TBC1D9: variants seen among roughly 807,000 people sequenced by gnomAD.
TBC1D9 encodes the protein TBC1 domain family member 9, also known as TBC1 domain family member 9A.
TBC1D9 carries 63 observed loss-of-function variants against 132.0 expected under a neutral mutation model. The observed-to-expected ratio is 0.48, with a 90% confidence interval of 0.39 to 0.59. The LOEUF (loss-of-function observed/expected upper bound fraction) is 0.59. Among genes scored for constraint, TBC1D9 ranks in the 20% least tolerant of loss-of-function variants. The probability of loss-of-function intolerance (pLI) is 0.00; values close to 1 mark genes in which losing one functional copy is unlikely to be tolerated. For synonymous variants in TBC1D9, 610 were observed against 609.9 expected (o/e 1.00, Z 0.00); for missense variants, 1,261 against 1,592.7 (o/e 0.79, Z 3.54).
At position 140,708,550 on chromosome 4, in the gene TBC1D9, A is replaced by T. The variant is rs371202140; in HGVS notation, c.131-6936T>A. The stretch of plus-strand genomic sequence containing the variant: ...CCTTGTGCCCAACACACAGACTGGT[A>T]AATACGGTTTGCACACCATACTGGC... On this transcript the variant is annotated intron_variant, in intron 1 of 20. Transcript: ENST00000442267. 7.2e-5 allele frequency among the ~76,000 whole-genome samples: 11 copies of T among 152,198 alleles called. 1 individual carries two copies. The highest frequency in any genetic ancestry group is 5.8e-4 in the East Asian group (3 of 5,202).
chr4:140,649,011 G>A (rs564312138), intron 13 of TBC1D9, among the ~76,000 whole-genome samples: 1 of 152,328 alleles, frequency 6.6e-6, no homozygotes, highest in African/African-American at 2.4e-5. Flanking sequence ...CTTACCCTGT[G>A]TTACCGGGAA....
At chr4:140,699,468 A>G (rs1391489674) in intron 2 of TBC1D9, among the ~76,000 whole-genome samples, 1 of 152,238 alleles carries the variant, frequency 6.6e-6, no homozygotes, top group Non-Finnish European at 1.5e-5. Context: ...GATAAAATGT[A>G]CACTTGGCAT....
chr4:140,660,152 G>T (rs553548986), intron 10 of TBC1D9, among the ~76,000 whole-genome samples: 3 of 152,288 alleles, frequency 2.0e-5, no homozygotes, highest in African/African-American at 7.2e-5. Context: ...ATGGCTCCAG[G>T]CTCTCCTGAG....
intron 10 of TBC1D9, among the ~76,000 whole-genome samples, chr4:140,660,901 T>C (rs1238740357): frequency 2.0e-5 from 3 of 147,468 alleles, no homozygotes; most frequent in Non-Finnish European, 4.5e-5. Flanking sequence ...TACAATGATA[T>C]AGCCTTTGAT....
chr4:140,657,481 G>A lies in TBC1D9; in HGVS notation c.2207+46C>T, dbSNP rs1737291291. On this transcript the variant is annotated intron_variant, in intron 12 of 20. Coordinates refer to ENST00000442267, the MANE Select transcript of TBC1D9 (RefSeq NM_015130.3). ...CTCATGAAATGAAGAGAAAGCATGA[G>A]GAAGAAAACCGGAGATGGTTTTCAA... 5 of 1,557,526 alleles carry A rather than the reference G, an allele frequency of 3.2e-6. No individual in the cohort carries two copies. The East Asian group carries it at 6.7e-5, about 21-fold the overall frequency.
intron 1 of TBC1D9, among the ~76,000 whole-genome samples, chr4:140,721,158 G>A (rs971598682): frequency 2.0e-5 from 3 of 152,122 alleles, no homozygotes; most frequent in Admixed American, 2.0e-4. Flanking sequence ...GTCTCCATTT[G>A]CACTATAAAT....
Position 140,622,573 on chromosome 4 carries a change from C to T in TBC1D9, c.3423G>A (p.Arg1141=), listed in dbSNP as rs375597697. 1.2e-6 allele frequency: 2 copies of T among 1,614,016 alleles called. No individual in the cohort carries two copies. The highest frequency in any genetic ancestry group is 1.7e-6 in the Non-Finnish European group (2 of 1,179,888). The change falls in exon 21 of 21, where the codon CGG becomes CGA. Residue 1141 remains arginine, a synonymous_variant. Coordinates refer to ENST00000442267, the MANE Select transcript of TBC1D9 (RefSeq NM_015130.3). ...GCATGGAGGAGCAGGCCCCGTTGTC[C>T]CGGGGCGAGGAGTCCTCCAGCTTGA... is the stretch of plus-strand genomic sequence containing the variant. ...EDIKLEDSSP[R]DNGACSSMLI...
Position 140,622,680 on chromosome 4 carries a change from C to T in TBC1D9, c.3316G>A (p.Val1106Met), listed in dbSNP as rs545624117. The change falls in exon 21 of 21, where the codon GTG becomes ATG. Residue 1106 changes from valine (V) to methionine (M), a missense_variant. Coordinates refer to ENST00000442267, the MANE Select transcript of TBC1D9 (RefSeq NM_015130.3). ...FPKKGPGQPY[V>M]VESVEPLPAS... ...GGCAGGGGCTCAACAGACTCCACCA[C>T]GTAAGGCTGGCCTGGCCCTTTCTTG... 12 of 1,610,992 alleles carry T rather than the reference C, an allele frequency of 7.4e-6. No homozygotes were observed. Among genetic ancestry groups the T allele is most frequent in the South Asian group, 5.5e-5 (5 of 90,500 alleles).
intron 13 of TBC1D9, chr4:140,642,537 G>T: frequency 8.6e-7 from 1 of 1,156,644 alleles, no homozygotes; most frequent in Non-Finnish European, 1.3e-6. Context: ...TGTCCTGCTT[G>T]GTGAGGGAGA....
At chr4:140,748,675 A>G (rs902168176) in intron 1 of TBC1D9, among the ~76,000 whole-genome samples, 5 of 152,366 alleles carry the variant, frequency 3.3e-5, no homozygotes, top group East Asian at 1.9e-4. Flanking sequence ...CCATGCTTAA[A>G]ACATATTAAG....
intron 9 of TBC1D9, among the ~76,000 whole-genome samples, chr4:140,664,071 A>G (rs921381038): frequency 1.3e-5 from 2 of 151,658 alleles, no homozygotes; most frequent in Non-Finnish European, 2.9e-5. Flanking sequence ...AAAAAAAGAC[A>G]AAAAGAAAAA....
intron 1 of TBC1D9, among the ~76,000 whole-genome samples, chr4:140,737,206 C>G (rs772652159): frequency 2.0e-5 from 3 of 152,100 alleles, no homozygotes; most frequent in Non-Finnish European, 2.9e-5. Context: ...TTCCTGAGTA[C>G]TGGACTGCGC....
chr4:140,697,718 A>G (rs1220282699), intron 2 of TBC1D9, among the ~76,000 whole-genome samples: 3 of 152,220 alleles, frequency 2.0e-5, no homozygotes, highest in African/African-American at 7.2e-5. Context: ...GATCTGTTTC[A>G]TAGCAATACC....
At chr4:140,643,911 G>A in intron 13 of TBC1D9, 1 of 696,292 alleles carries the variant, frequency 1.4e-6, no homozygotes, top group Non-Finnish European at 2.7e-6. Context: ...CTCCAGAGGC[G>A]GCAGCTCTGC....
chr4:140,629,540 G>T (rs574346170), intron 16 of TBC1D9, among the ~76,000 whole-genome samples: 132 of 152,144 alleles, frequency 8.7e-4, no homozygotes, highest in African/African-American at 2.8e-3. Flanking sequence ...TTATCTTTTT[G>T]GGCCAACTTT....
chr4:140,709,618 A>G (rs141448123), intron 1 of TBC1D9, among the ~76,000 whole-genome samples: 1 of 152,248 alleles, frequency 6.6e-6, no homozygotes, highest in African/African-American at 2.4e-5. Flanking sequence ...CTGGAGGCAG[A>G]CTGGTTAACA....
At chr4:140,732,258 C>A (rs1028099003) in intron 1 of TBC1D9, among the ~76,000 whole-genome samples, 3 of 152,068 alleles carry the variant, frequency 2.0e-5, no homozygotes, top group Admixed American at 1.3e-4. Context: ...AGATATTATA[C>A]CTTAATCTTC....
At chr4:140,690,327 G>A (rs987126810) in intron 2 of TBC1D9, among the ~76,000 whole-genome samples, 2 of 152,008 alleles carry the variant, frequency 1.3e-5, no homozygotes, top group Non-Finnish European at 2.9e-5. Flanking sequence ...GTCCCACACT[G>A]CCCACTGTCC....
intron 13 of TBC1D9, chr4:140,644,959 A>C: frequency 2.2e-6 from 1 of 454,910 alleles, no homozygotes; most frequent in Non-Finnish European, 4.4e-6. Context: ...GGAGGTCCCA[A>C]GCCCCAGGGG....
Sources: allele counts gnomAD v4.1 joint callset (sites outside exome capture counted in the v4.1 genomes callset), GRCh38; gene constraint gnomAD v4.1.1; transcripts MANE v1.5; gene names NCBI Gene and HGNC (gene_info 2026-07-23, HGNC 2026-07-21).